Variants in DIXDC1 observed in about 807,000 individuals in gnomAD.
DIXDC1 encodes dixin.
Under a neutral mutation model 103.1 loss-of-function variants are expected in DIXDC1, and 64 were observed. The observed-to-expected ratio is 0.62, with a 90% confidence interval of 0.51 to 0.76. The LOEUF is 0.76. DIXDC1 is among the 30% of genes least tolerant of loss of function. The probability of loss-of-function intolerance (pLI) is 0.00; values close to 1 mark genes in which losing one functional copy is unlikely to be tolerated. For missense variants in DIXDC1, 759 were observed against 834.2 expected, an observed-to-expected ratio of 0.91 and a Z score of 1.11; for synonymous variants, 266 against 298.5, an observed-to-expected ratio of 0.89 and a Z score of 1.12.
upstream of DIXDC1, chr11:111,937,290 G>A (rs1359697692): frequency 3.0e-6 from 4 of 1,323,516 alleles, no homozygotes; most frequent in Non-Finnish European, 3.8e-6. Flanking sequence ...CCGCGACCGC[G>A]CCGGGCCCCT....
Position 111,982,425 on chromosome 11 carries a change from G to A in DIXDC1, c.856G>A (p.Glu286Lys). 1 of 1,613,854 alleles carries A rather than the reference G, an allele frequency of 6.2e-7. No homozygotes were observed. The highest frequency in any genetic ancestry group is 1.3e-5 in the African/African-American group (1 of 75,036). The change falls in exon 7 of 20, where the codon GAA becomes AAA. Residue 286 changes from glutamate to lysine, a missense_variant. Around this residue, in one of 3 missense-constraint regions of DIXDC1, gnomAD observed 657 missense variants for 727.5 expected, o/e 0.90. Coordinates refer to ENST00000440460, the MANE Select transcript of DIXDC1 (RefSeq NM_001037954.4). ...GACCTCATGGGAAGAACAGCTGTTG[G>A]AACAACAAGAATATTTAGAAAAAGA... Reference protein sequence around the residue: ...LETSWEEQLLEQQEYLEKEME... With the variant: ...LETSWEEQLLKQQEYLEKEME...
chr11:112,004,106 GTA>G (rs1385140522), intron 17 of DIXDC1, among the ~76,000 whole-genome samples: 1 of 148,850 alleles, frequency 6.7e-6, no homozygotes, highest in African/African-American at 2.5e-5. Context: ...ATATGTGTGT[GTA>G]TATGTGTATA....
At chr11:111,967,594 ATTTAT>A (rs1220753922) in intron 2 of DIXDC1, among the ~76,000 whole-genome samples, 1 of 151,836 alleles carries the variant, frequency 6.6e-6, no homozygotes, top group Non-Finnish European at 1.5e-5. Context: ...AGTCCATTTT[ATTTAT>A]TTTATTATTT....
chr11:112,014,363 A>C (rs1303573728), intron 17 of DIXDC1, among the ~76,000 whole-genome samples: 1 of 152,128 alleles, frequency 6.6e-6, no homozygotes, highest in African/African-American at 2.4e-5. Flanking sequence ...TTACCTCACA[A>C]CTTCCCAATG....
intron 17 of DIXDC1, among the ~76,000 whole-genome samples, chr11:112,016,323 C>A (rs187386759): frequency 1.1e-4 from 17 of 152,030 alleles, no homozygotes; most frequent in Admixed American, 7.9e-4. Context: ...TTCTCTACTA[C>A]GGACCTCCAA....
intron 1 of DIXDC1, chr11:111,929,755 G>A: frequency 1.8e-6 from 2 of 1,113,182 alleles, no homozygotes; most frequent in Non-Finnish European, 2.5e-6. Context: ...TCGGTTAGTT[G>A]AGCTTTAAAT....
chr11:112,013,336 G>GA, intron 17 of DIXDC1, among the ~76,000 whole-genome samples: 1 of 134,900 alleles, frequency 7.4e-6, no homozygotes, highest in Non-Finnish European at 1.6e-5. Flanking sequence ...GTGGGGTGGG[G>GA]GGGGGGAACA....
At chr11:111,985,790 G>A in intron 8 of DIXDC1, among the ~76,000 whole-genome samples, 1 of 151,996 alleles carries the variant, frequency 6.6e-6, no homozygotes, top group Non-Finnish European at 1.5e-5. Flanking sequence ...CTAGATTTAT[G>A]TATGCAATAT....
At chr11:112,013,373 C>T (rs1432788092) in intron 17 of DIXDC1, among the ~76,000 whole-genome samples, 1 of 147,172 alleles carries the variant, frequency 6.8e-6, no homozygotes, top group Non-Finnish European at 1.5e-5. Context: ...ATATTATTTT[C>T]ATATTTATTT....
rs34966520 is a variant in DIXDC1, at chr11:111,985,309, C to T, written c.996C>T (p.Pro332=). 5.5e-3 allele frequency: 8,881 copies of T among 1,612,718 alleles called. 38 individuals are homozygous for T. The highest frequency in any genetic ancestry group is 6.8e-3 in the Non-Finnish European group (7,965 of 1,179,318). The change falls in exon 8 of 20, where the codon CCC becomes CCT. Residue 332 remains proline (P), a synonymous_variant. Transcript: ENST00000440460. ...CCCTCTGTGAACCAGGTGTCAATCCCGAGGAACAACTGGTGAGCTCCATCT... is the reference window on the plus strand; with the variant it reads ...CCCTCTGTGAACCAGGTGTCAATCCTGAGGAACAACTGGTGAGCTCCATCT... The part of the protein sequence containing the change: ...PLALCEPGVN[P]EEQLIIIQSR...
intron 17 of DIXDC1, among the ~76,000 whole-genome samples, chr11:112,004,053 T>C (rs1861154394): frequency 2.0e-5 from 3 of 146,866 alleles, no homozygotes; most frequent in East Asian, 2.0e-4. Context: ...TATATATGTA[T>C]GTATATATAT....
intron 1 of DIXDC1, among the ~76,000 whole-genome samples, chr11:111,944,151 T>A (rs1219199375): frequency 6.6e-6 from 1 of 152,182 alleles, no homozygotes; most frequent in African/African-American, 2.4e-5. Context: ...CATCTCCTCA[T>A]CTTCTGCTGC....
intron 17 of DIXDC1, among the ~76,000 whole-genome samples, 200 bp from the exon 18 acceptor site, chr11:112,016,491 C>T (rs1368506308): frequency 1.3e-5 from 2 of 152,108 alleles, no homozygotes; most frequent in South Asian, 4.1e-4. Flanking sequence ...TGAGTCCTCG[C>T]GATCGTGTCC....
At chr11:111,989,815 G>A (rs1465587305) in intron 10 of DIXDC1, among the ~76,000 whole-genome samples, 1 of 148,368 alleles carries the variant, frequency 6.7e-6, no homozygotes, top group African/African-American at 2.5e-5. Context: ...TTGAAACGGA[G>A]TCTCGCTCTG....
intron 1 of DIXDC1, among the ~76,000 whole-genome samples, chr11:111,963,512 T>A (rs1196338906): frequency 2.0e-5 from 3 of 152,354 alleles, no homozygotes; most frequent in Middle Eastern, 6.8e-3. Flanking sequence ...AGGAAGTACT[T>A]GGGGCTTAGG....
rs782102284 is a variant in DIXDC1 at position 112,020,719 on chromosome 11, G to A, written c.*1683G>A. 6.6e-6 allele frequency: 1 copy of A among 152,190 alleles called. No individual in the cohort carries two copies. The highest frequency in any genetic ancestry group is 1.5e-5 in the Non-Finnish European group (1 of 68,036). 9.4% of individuals were successfully genotyped at this position (152,190 alleles called of 1,614,324 possible). ...TCTACCTGTTTTAGTTGTGAAGGTA[G>A]TTTTGTGTAATCCAGTTGATTGCTC... On this transcript the variant is annotated 3_prime_UTR_variant, in exon 20 of 20. Transcript: ENST00000440460.
chr11:111,994,400 C>CATAT (rs587665197), intron 14 of DIXDC1, among the ~76,000 whole-genome samples: 8 of 149,910 alleles, frequency 5.3e-5, no homozygotes, highest in Admixed American at 1.3e-4. Flanking sequence ...ACAAAACATA[C>CATAT]ATATATATAT....
At chr11:111,931,565 C>A (rs1380704725) in intron 2 of DIXDC1, among the ~76,000 whole-genome samples, 2 of 152,134 alleles carry the variant, frequency 1.3e-5, no homozygotes, top group African/African-American at 4.8e-5. Flanking sequence ...ATCACTTGAA[C>A]CCGGGAGGCA....
At chr11:111,956,545 A>G (rs1859371607) in intron 1 of DIXDC1, among the ~76,000 whole-genome samples, 1 of 152,212 alleles carries the variant, frequency 6.6e-6, no homozygotes, top group Non-Finnish European at 1.5e-5. Context: ...GCTGGAGTGC[A>G]ATGGCACAGT....
Sources: allele counts gnomAD v4.1 joint callset (sites outside exome capture counted in the v4.1 genomes callset), GRCh38; gene constraint gnomAD v4.1.1; regional missense constraint gnomAD v4.1.1; transcripts MANE v1.5; gene names NCBI Gene and HGNC (gene_info 2026-07-23, HGNC 2026-07-21).